Variants in IQCM observed in about 807,000 individuals in gnomAD.
The protein encoded by IQCM is IQ domain-containing protein M.
IQCM carries 45 observed loss-of-function variants against 57.6 expected under a neutral mutation model. That is an observed-to-expected ratio of 0.78 (90% CI 0.62 to 1.00). The LOEUF (loss-of-function observed/expected upper bound fraction) is 1.00. Among genes scored for constraint, IQCM ranks in the 50% least tolerant of loss-of-function variants. The pLI, the probability that IQCM is intolerant of heterozygous loss-of-function variation, is 0.00. For missense variants in IQCM, 468 were observed against 511.6 expected (o/e 0.91, Z 0.82); for synonymous variants, 148 against 158.9 (o/e 0.93, Z 0.51).
chr4:149,498,893 T>G (rs1170769735), intron 12 of IQCM, among the ~76,000 whole-genome samples: 1 of 152,126 alleles, frequency 6.6e-6, no homozygotes, highest in Non-Finnish European at 1.5e-5. Flanking sequence ...ATTGAAGTTT[T>G]GCACTGGAAT....
intron 9 of IQCM, among the ~76,000 whole-genome samples, chr4:149,577,443 A>G (rs922240291): frequency 6.6e-6 from 1 of 151,868 alleles, no homozygotes; most frequent in African/African-American, 2.4e-5. Context: ...TTAATCTCCT[A>G]CATATAGCTA....
intron 13 of IQCM, among the ~76,000 whole-genome samples, chr4:149,358,847 T>TATATCATGATATACTCTCATGAGA (rs1729222977): frequency 6.6e-6 from 1 of 151,316 alleles, no homozygotes; most frequent in Admixed American, 6.6e-5. Flanking sequence ...CAGTGGACAG[T>TATATCATGATATACTCTCATGAGA]ATATCATGAT....
intron 5 of IQCM, among the ~76,000 whole-genome samples, chr4:149,712,160 C>T (rs1395592593): frequency 1.1e-5 from 1 of 88,286 alleles, no homozygotes; most frequent in Non-Finnish European, 3.0e-5. Flanking sequence ...CTCCAGGATT[C>T]CAGGGTTCAG....
intron 7 of IQCM, among the ~76,000 whole-genome samples, chr4:149,668,386 T>G (rs975324683): frequency 2.6e-5 from 4 of 152,168 alleles, no homozygotes; most frequent in Non-Finnish European, 5.9e-5. Flanking sequence ...TTGAGAGATT[T>G]TGTCACCACC....
intron 12 of IQCM, among the ~76,000 whole-genome samples, chr4:149,466,033 T>C (rs1004166147): frequency 1.3e-5 from 2 of 152,220 alleles, no homozygotes; most frequent in Non-Finnish European, 2.9e-5. Flanking sequence ...CACTGATTAA[T>C]AGCATTGAGT....
At chr4:149,663,264 T>G (rs1385901420) in intron 7 of IQCM, among the ~76,000 whole-genome samples, 2 of 151,198 alleles carry the variant, frequency 1.3e-5, no homozygotes, top group Admixed American at 1.3e-4. Context: ...ACTAATGGTA[T>G]CTGTTGCTTT....
chr4:149,689,186 A>G (rs1196414425), intron 5 of IQCM, among the ~76,000 whole-genome samples: 1 of 152,068 alleles, frequency 6.6e-6, no homozygotes, highest in Non-Finnish European at 1.5e-5. Flanking sequence ...TAGACTGGAT[A>G]AAGAATGTGT....
At chr4:149,390,914 T>C (rs1731806018) in intron 13 of IQCM, among the ~76,000 whole-genome samples, 1 of 151,866 alleles carries the variant, frequency 6.6e-6, no homozygotes, top group South Asian at 2.1e-4. Flanking sequence ...CTGGTGTTGG[T>C]AATACTGGCC....
At chr4:149,649,551 T>A (rs1758966301) in intron 7 of IQCM, among the ~76,000 whole-genome samples, 1 of 152,198 alleles carries the variant, frequency 6.6e-6, no homozygotes, top group Non-Finnish European at 1.5e-5. Context: ...ATAGTTTATT[T>A]TTTATTATTT....
intron 13 of IQCM, among the ~76,000 whole-genome samples, chr4:149,432,449 T>C (rs1306155031): frequency 1.3e-5 from 2 of 151,972 alleles, no homozygotes; most frequent in Non-Finnish European, 2.9e-5. Flanking sequence ...GATATCAAAG[T>C]ATTAAAAAAG....
intron 8 of IQCM, among the ~76,000 whole-genome samples, chr4:149,589,580 G>A (rs1752938181): frequency 6.6e-6 from 1 of 151,910 alleles, no homozygotes; most frequent in Non-Finnish European, 1.5e-5. Flanking sequence ...TGCCATCTCA[G>A]ATGCAATCTT....
At position 149,652,003 on chromosome 4, in the gene IQCM, T is replaced by C. The variant is rs138718179; in HGVS notation, c.565+30115A>G. 1.5e-3 allele frequency among the ~76,000 whole-genome samples: 236 copies of C among 152,282 alleles called. 2 individuals carry two copies. Among genetic ancestry groups the C allele is most frequent in the Middle Eastern group, 0.014 (4 of 294 alleles). On this transcript the variant is annotated intron_variant, in intron 7 of 13. Coordinates refer to ENST00000636793, the MANE Select transcript of IQCM (RefSeq NM_001363507.2). ...TCTACTGTAAAGACACATGCACACATATGTTTATTGCAGCACTATTCACAA... is the reference window on the plus strand; with the variant it reads ...TCTACTGTAAAGACACATGCACACACATGTTTATTGCAGCACTATTCACAA...
intron 12 of IQCM, among the ~76,000 whole-genome samples, chr4:149,467,162 G>C (rs1014108128): frequency 6.6e-5 from 10 of 152,124 alleles, no homozygotes; most frequent in Non-Finnish European, 1.2e-4. Context: ...ATGTGGACAG[G>C]CAACACCTTT....
In IQCM at chr4:149,682,104, T is replaced by A; in HGVS notation, c.565+14A>T. The A allele has an allele frequency of 9.2e-7, 1 of 1,085,250 alleles. No individual in the cohort carries two copies. Among genetic ancestry groups the A allele is most frequent in the Non-Finnish European group, 1.2e-6 (1 of 854,668 alleles). The allele number at this position is 1,085,250 out of a possible 1,614,324, so 67.2% of individuals were successfully genotyped here. ...ATCAATGTGCTGCTACCAACATTTA[T>A]GTATAAGACTCACCAGGTTCTTTCA... On this transcript the variant is annotated intron_variant, in intron 7 of 13. Transcript: ENST00000636793.
At chr4:149,415,429 A>G (rs1733679376) in intron 13 of IQCM, among the ~76,000 whole-genome samples, 1 of 152,198 alleles carries the variant, frequency 6.6e-6, no homozygotes, top group Admixed American at 6.5e-5. Flanking sequence ...TATTATGGAA[A>G]TGATCACAGT....
rs1264122447 is a variant in IQCM, at chr4:149,637,873, C to T, written c.566-16629G>A. Among the ~76,000 whole-genome samples the T allele has an allele frequency of 1.3e-4, 20 of 152,014 alleles. No homozygotes were observed. The South Asian group carries it at 1.7e-3, about 13-fold the overall frequency. On this transcript the variant is annotated intron_variant, in intron 7 of 13. Transcript: ENST00000636793. The stretch of plus-strand genomic sequence containing the variant: ...ATGTAAGCTAAAACAACAAAGCTAC[C>T]GAAGAATAACTATAGAAAATATTCA...
At chr4:149,746,588 A>G (rs1194633021) in intron 2 of IQCM, among the ~76,000 whole-genome samples, 1 of 152,176 alleles carries the variant, frequency 6.6e-6, no homozygotes, top group Admixed American at 6.5e-5. Flanking sequence ...TCTCTTATGC[A>G]ACTGAGTATA....
chr4:149,595,015 A>T (rs1753625677), intron 8 of IQCM, among the ~76,000 whole-genome samples: 1 of 152,014 alleles, frequency 6.6e-6, no homozygotes, highest in South Asian at 2.1e-4. Context: ...TATCCTTGTT[A>T]ACTTTCTGTC....
intron 5 of IQCM, among the ~76,000 whole-genome samples, chr4:149,696,467 C>G (rs1763350153): frequency 1.3e-5 from 2 of 152,054 alleles, no homozygotes; most frequent in Admixed American, 1.3e-4. Context: ...TCACTTATTC[C>G]TTAGGAAATT....
Sources: allele counts gnomAD v4.1 joint callset (sites outside exome capture counted in the v4.1 genomes callset), GRCh38; gene constraint gnomAD v4.1.1; transcripts MANE v1.5; gene names NCBI Gene and HGNC (gene_info 2026-07-23, HGNC 2026-07-21).